RALGDS: variants seen among roughly 807,000 people sequenced by gnomAD.
RALGDS encodes ral guanine nucleotide exchange factor.
Under a neutral mutation model 99.8 loss-of-function variants are expected in RALGDS, and 44 were observed. The ratio of observed to expected loss-of-function variants is 0.44; its 90% CI spans 0.35 to 0.57. The LOEUF (loss-of-function observed/expected upper bound fraction) is 0.57. Among genes scored for constraint, RALGDS ranks in the 20% least tolerant of loss-of-function variants. The probability of loss-of-function intolerance (pLI) is 0.01; values close to 1 mark genes in which losing one functional copy is unlikely to be tolerated. For missense variants in RALGDS, 1,022 were observed against 1,203.1 expected (o/e 0.85, Z 2.23); for synonymous variants, 529 against 505.0 (o/e 1.05, Z -0.64).
intron 1 of RALGDS, among the ~76,000 whole-genome samples, chr9:133,146,444 G>A (rs1357469927): frequency 2.6e-5 from 4 of 152,042 alleles, no homozygotes; most frequent in African/African-American, 7.2e-5. Flanking sequence ...CACCCGCCTC[G>A]GCCTCCCAAA....
chr9:133,100,164 A>T, intron 17 of RALGDS, 104 bp downstream of exon 17: 1 of 1,058,626 alleles, frequency 9.4e-7, no homozygotes, highest in Non-Finnish European at 1.5e-6. Context: ...GTGTCTACCC[A>T]CACTCTGCTG....
intron 1 of RALGDS, among the ~76,000 whole-genome samples, chr9:133,140,950 G>C (rs1832511342): frequency 6.6e-6 from 1 of 152,116 alleles, no homozygotes; most frequent in East Asian, 1.9e-4. Flanking sequence ...GGGGTGGCTG[G>C]GCAGAGTCCC....
rs768745857 is a variant in RALGDS at position 133,108,199 on chromosome 9, G to A, written c.986C>T (p.Pro329Leu). ...PEPAVGLESA[P>L]APALELEPAP... ...TGGCTCTAGTTCCAGAGCTGGCGCT[G>A]GAGCCGATTCTAGTCCCACAGCTGG... The change falls in exon 6 of 18, where the codon CCA becomes CTA. Residue 329 changes from proline (P) to leucine (L), a missense_variant. Coordinates refer to ENST00000372050, the MANE Select transcript of RALGDS (RefSeq NM_006266.4). 1.4e-5 allele frequency: 22 copies of A among 1,612,364 alleles called. No individual in the cohort carries two copies. In the African/African-American group the frequency reaches 1.5e-4, roughly 11 times the overall value.
At chr9:133,105,549 G>A (rs1337838751) in intron 9 of RALGDS, among the ~76,000 whole-genome samples, 1 of 151,962 alleles carries the variant, frequency 6.6e-6, no homozygotes, top group East Asian at 1.9e-4. Flanking sequence ...GTAGCGTCAG[G>A]AGCCTGGCCT....
At position 133,106,725 on chromosome 9, in the gene RALGDS, G is replaced by A. The variant is rs1274241409; in HGVS notation, c.1437C>T (p.Phe479=). 1 of 1,612,438 alleles carries A rather than the reference G, an allele frequency of 6.2e-7. No individual in the cohort carries two copies. Among genetic ancestry groups the A allele is most frequent in the Non-Finnish European group, 8.5e-7 (1 of 1,179,160 alleles). ...VARECRILKN[F]SSLYAILSAL... The stretch of plus-strand genomic sequence containing the variant: ...CAGAGAGGATGGCATACAGTGACGA[G>A]AAGTTCTTGAGGATCCGGCACTCCT... The change falls in exon 8 of 18, where the codon TTC becomes TTT. Residue 479 remains phenylalanine, a synonymous_variant. Transcript: ENST00000372050.
chr9:133,102,184 AT>A, intron 14 of RALGDS, 45 bp from the exon 15 acceptor site: 4 of 1,539,342 alleles, frequency 2.6e-6, no homozygotes, highest in Non-Finnish European at 2.6e-6. Context: ...CCAAGGACAC[AT>A]CCCAACCCCA....
intron 1 of RALGDS, among the ~76,000 whole-genome samples, chr9:133,119,273 C>CG (rs1387740799): frequency 4.6e-5 from 7 of 152,248 alleles, no homozygotes; most frequent in South Asian, 2.1e-4. Context: ...AGCCCCAGGA[C>CG]GGGGGGTGTT....
chr9:133,112,009 G>T (rs1831369059), intron 2 of RALGDS, 33 bp downstream of exon 2: 1 of 1,486,200 alleles, frequency 6.7e-7, no homozygotes, highest in Non-Finnish European at 9.2e-7. Context: ...ATCCCCAGCT[G>T]CGTCTCCCAG....
intron 1 of RALGDS, among the ~76,000 whole-genome samples, chr9:133,116,764 G>C (rs1831628748): frequency 6.6e-6 from 1 of 152,256 alleles, no homozygotes; most frequent in Non-Finnish European, 1.5e-5. Context: ...CAAGGAAACA[G>C]CCTGAGAGGA....
chr9:133,110,232 C>T, intron 3 of RALGDS, 64 bp downstream of exon 3: 5 of 1,512,494 alleles, frequency 3.3e-6, no homozygotes, highest in South Asian at 1.1e-5. Flanking sequence ...CCAAGACCCG[C>T]AGCCAGGTGG....
At chr9:133,100,205 C>T in intron 17 of RALGDS, 63 bp downstream of exon 17, 1 of 1,466,074 alleles carries the variant, frequency 6.8e-7, no homozygotes, top group East Asian at 2.3e-5. Context: ...GGCTTCCAAC[C>T]TGGGGCTGGG....
chr9:133,109,512 G>T, intron 4 of RALGDS, 114 bp downstream of exon 4: 1 of 951,958 alleles, frequency 1.1e-6, no homozygotes, highest in Non-Finnish European at 1.7e-6. Context: ...AACCACAAGA[G>T]GTGTGGGAGC....
intron 13 of RALGDS, 43 bp downstream of exon 13, chr9:133,102,736 G>T: frequency 6.2e-7 from 1 of 1,604,768 alleles, no homozygotes; most frequent in South Asian, 1.1e-5. Context: ...GGCCCCCTAG[G>T]ACAGCCTGCC....
At chr9:133,130,784 G>A (rs1832312626) in intron 1 of RALGDS, among the ~76,000 whole-genome samples, 1 of 152,174 alleles carries the variant, frequency 6.6e-6, no homozygotes, top group Non-Finnish European at 1.5e-5. Context: ...AGAGAGAGCA[G>A]GGACTTGCCC....
At chr9:133,098,985 G>A in intron 17 of RALGDS, 1 of 559,048 alleles carries the variant, frequency 1.8e-6, no homozygotes, top group Non-Finnish European at 3.2e-6. Flanking sequence ...AACAGGGACT[G>A]ACTCCAGAAC....
In RALGDS at chr9:133,101,930, G is replaced by A; in HGVS notation, c.2211+8C>T. On this transcript the variant is annotated splice_region_variant and intron_variant, in intron 15 of 17. Transcript: ENST00000372050. ...GAAAGGATATTGGGGAGAAGGGCAG[G>A]CAGTCACCTTCTTTTCCTGGCCATC... is the stretch of plus-strand genomic sequence containing the variant. 6.4e-7 allele frequency: 1 copy of A among 1,551,000 alleles called. No homozygotes were observed. Among genetic ancestry groups the A allele is most frequent in the Non-Finnish European group, 8.7e-7 (1 of 1,147,016 alleles).
At chr9:133,116,339 G>A (rs1192958862) in intron 1 of RALGDS, among the ~76,000 whole-genome samples, 1 of 152,254 alleles carries the variant, frequency 6.6e-6, no homozygotes, top group Non-Finnish European at 1.5e-5. Context: ...CTGCCCACCA[G>A]GATGCTCCCT....
chr9:133,109,706 G>A lies in RALGDS; in HGVS notation c.504C>T (p.Asp168=), dbSNP rs537625899. ...DLLFKRYGRC[D]ALTASSRYGC... is the part of the protein sequence containing the mutation. ...CGTATCTAGAGGAGGCCGTGAGGGC[G>A]TCACATCTACCGTACCTGCTTATGA... Residue 168 remains aspartate (D), a synonymous_variant, in exon 4 of 18, where the codon GAC becomes GAT. Coordinates refer to ENST00000372050, the MANE Select transcript of RALGDS (RefSeq NM_006266.4). 20 of 1,613,708 alleles carry A rather than the reference G, an allele frequency of 1.2e-5. No homozygotes were observed. The highest frequency in any genetic ancestry group is 2.2e-5 in the South Asian group (2 of 91,072).
At chr9:133,111,858 T>TGGCTGCACACCCG (rs1831359064) in intron 2 of RALGDS, among the ~76,000 whole-genome samples, 184 bp downstream of exon 2, 1 of 152,142 alleles carries the variant, frequency 6.6e-6, no homozygotes, top group Non-Finnish European at 1.5e-5. Flanking sequence ...GTGAGGCTGA[T>TGGCTGCACACCCG]GGCTGCACAC....
Sources: allele counts gnomAD v4.1 joint callset (sites outside exome capture counted in the v4.1 genomes callset), GRCh38; gene constraint gnomAD v4.1.1; transcripts MANE v1.5; gene names NCBI Gene and HGNC (gene_info 2026-07-23, HGNC 2026-07-21).